The following FGF6 variants were observed in gnomAD, a reference collection of about 807,000 sequenced individuals.
The protein encoded by FGF6 is fibroblast growth factor 6, also known as FGF-6.
Under a neutral mutation model 18.4 loss-of-function variants are expected in FGF6, and 14 were observed. The ratio of observed to expected loss-of-function variants is 0.76; its 90% CI spans 0.50 to 1.19. The LOEUF (loss-of-function observed/expected upper bound fraction) is 1.19. Ranked by LOEUF, FGF6 falls within the 50% of genes most tolerant of loss-of-function variation. The pLI is 0.00. For synonymous variants in FGF6, 125 were observed against 116.7 expected (o/e 1.07, Z -0.46); for missense variants, 266 against 271.6 (o/e 0.98, Z 0.15).
At chr12:4,439,655 CA>C (rs1865666409) in intron 2 of FGF6, among the ~76,000 whole-genome samples, 1 of 151,846 alleles carries the variant, frequency 6.6e-6, no homozygotes, top group Admixed American at 6.6e-5. Context: ...CCTCAACATA[CA>C]CACTTTTTTT....
chr12:4,434,871 G>A (rs115017954), intron 2 of FGF6, among the ~76,000 whole-genome samples: 42 of 152,284 alleles, frequency 2.8e-4, no homozygotes, highest in African/African-American at 9.6e-4. Context: ...CTAATTGTGT[G>A]ACCTTGGGCA....
chr12:4,437,179 T>C (rs973165615), intron 2 of FGF6, among the ~76,000 whole-genome samples: 20 of 152,206 alleles, frequency 1.3e-4, no homozygotes, highest in African/African-American at 4.3e-4. Flanking sequence ...GCATGGAAAG[T>C]CCTGGGAACA....
intron 2 of FGF6, among the ~76,000 whole-genome samples, chr12:4,439,386 G>A (rs1040086980): frequency 4.6e-5 from 7 of 152,170 alleles, no homozygotes; most frequent in Non-Finnish European, 8.8e-5. Flanking sequence ...GGTTTCGTGT[G>A]TTGTTTGCAA....
chr12:4,445,549 A>T lies in FGF6; in HGVS notation c.22T>A (p.Phe8Ile). 1 of 1,601,068 alleles carries T rather than the reference A, an allele frequency of 6.2e-7. No homozygotes were observed. The highest frequency in any genetic ancestry group is 8.5e-7 in the Non-Finnish European group (1 of 1,173,178). The change falls in exon 1 of 3, where the codon TTC (phenylalanine) becomes ATC (isoleucine). Residue 8 changes from phenylalanine to isoleucine, a missense_variant. Transcript: ENST00000228837. This position sits in a 1 kb window ranked among gnomAD's most constrained non-coding sequence, Gnocchi z 5.5. The part of the protein sequence containing the change: MALGQKL[F>I]ITMSRGAGRL... Reference sequence around the variant, plus strand: ...CCTGCTCCCCGGGACATAGTGATGAACAGTTTCTGTCCCAGGGCCATCCAC... The same window carrying T: ...CCTGCTCCCCGGGACATAGTGATGATCAGTTTCTGTCCCAGGGCCATCCAC...
chr12:4,445,272 A>G lies in FGF6; in HGVS notation c.299T>C (p.Val100Ala). The G allele has an allele frequency of 6.2e-7, 1 of 1,613,984 alleles. No individual in the cohort carries two copies. The highest frequency in any genetic ancestry group is 8.5e-7 in the Non-Finnish European group (1 of 1,180,028). The stretch of plus-strand genomic sequence containing the variant: ...CCCGCTGATCCGGCCGTCGGGGAGC[A>G]CCTGGAGGTGAAAGCCGATGCCCAC... ...CNVGIGFHLQ[V>A]LPDGRISGTH... The change falls in exon 1 of 3, where the codon GTG (valine) becomes GCG (alanine). Residue 100 changes from valine to alanine, a missense_variant. Coordinates refer to ENST00000228837, the MANE Select transcript of FGF6 (RefSeq NM_020996.3). The surrounding 1 kb of genome is among the most constrained non-coding windows in gnomAD (Gnocchi z 5.5).
At chr12:4,443,966 T>G (rs929239729) in intron 2 of FGF6, among the ~76,000 whole-genome samples, 167 bp downstream of exon 2, 5 of 152,196 alleles carry the variant, frequency 3.3e-5, no homozygotes, top group African/African-American at 1.2e-4. Flanking sequence ...CCCGTGAGGC[T>G]GAAGAAGCAC....
At position 4,434,206 on chromosome 12, in the gene FGF6, T is replaced by A; in HGVS notation, c.*9A>T. The A allele has an allele frequency of 6.2e-7, 1 of 1,613,480 alleles. No individual in the cohort carries two copies. The highest frequency in any genetic ancestry group is 8.5e-7 in the Non-Finnish European group (1 of 1,179,824). On this transcript the variant is annotated 3_prime_UTR_variant, in exon 3 of 3. Transcript: ENST00000228837. Reference sequence around the variant, plus strand: ...TGCTTTAAATCTGTGAGCCTTCTTTTGTGGGTCCTTAGATCCTGGGAAGGA... The same window carrying A: ...TGCTTTAAATCTGTGAGCCTTCTTTAGTGGGTCCTTAGATCCTGGGAAGGA...
intron 2 of FGF6, among the ~76,000 whole-genome samples, chr12:4,437,901 C>T (rs1030259169): frequency 2.0e-5 from 3 of 150,670 alleles, no homozygotes; most frequent in Non-Finnish European, 4.4e-5. Flanking sequence ...GAATCAGGAA[C>T]ATCTTTCTAA....
In FGF6 at chr12:4,445,453, C is replaced by A. The variant is rs770662346; in HGVS notation, c.118G>T (p.Ala40Ser). The change falls in exon 1 of 3, where the codon GCA (alanine) becomes TCA (serine). Residue 40 changes from alanine to serine, a missense_variant. By Grantham distance (99) the Ala-to-Ser change is moderately conservative. Coordinates refer to ENST00000228837, the MANE Select transcript of FGF6 (RefSeq NM_020996.3). This position sits in a 1 kb window ranked among gnomAD's most constrained non-coding sequence, Gnocchi z 5.5. Reference protein sequence around the residue: ...ILVGMVVPSPAGTRANNTLLD... With the variant: ...ILVGMVVPSPSGTRANNTLLD... Reference sequence around the variant, plus strand: ...AGCGTGTTGTTGGCACGGGTGCCTGCAGGCGAGGGCACCACCATGCCCACT... The same window carrying A: ...AGCGTGTTGTTGGCACGGGTGCCTGAAGGCGAGGGCACCACCATGCCCACT... 1.2e-6 allele frequency: 2 copies of A among 1,613,248 alleles called. No homozygotes were observed. Among genetic ancestry groups the A allele is most frequent in the Non-Finnish European group, 1.7e-6 (2 of 1,180,012 alleles).
intron 2 of FGF6, among the ~76,000 whole-genome samples, chr12:4,442,759 G>A (rs139725157): frequency 7.4e-4 from 112 of 152,252 alleles, no homozygotes; most frequent in African/African-American, 2.6e-3. Flanking sequence ...CCCAGAGAGC[G>A]GTAACAAGGA....
At chr12:4,439,095 A>G (rs1865657712) in intron 2 of FGF6, among the ~76,000 whole-genome samples, 1 of 152,224 alleles carries the variant, frequency 6.6e-6, no homozygotes, top group African/African-American at 2.4e-5. Flanking sequence ...TTTCCATAGA[A>G]TATTCTTTGA....
In FGF6 at chr12:4,445,016, C is replaced by G. The variant is rs957030515; in HGVS notation, c.346+209G>C. Among the ~76,000 whole-genome samples the G allele has an allele frequency of 2.0e-5, 3 of 152,186 alleles. No individual in the cohort carries two copies. The highest frequency in any genetic ancestry group is 7.2e-5 in the African/African-American group (3 of 41,444). ...TAGTTAGTGCCACTGAGGATCTAAC[C>G]AAGGCGATGGCAAAGAACACCAGGA... On this transcript the variant is annotated intron_variant, in intron 1 of 2. Transcript: ENST00000228837. The surrounding 1 kb of genome is among the most constrained non-coding windows in gnomAD (Gnocchi z 5.5).
At chr12:4,440,211 G>T (rs914019338) in intron 2 of FGF6, among the ~76,000 whole-genome samples, 1 of 152,226 alleles carries the variant, frequency 6.6e-6, no homozygotes, top group Non-Finnish European at 1.5e-5. Context: ...TCAATTTGAT[G>T]TAGGTCTATT....
At chr12:4,442,344 C>A (rs1356170858) in intron 2 of FGF6, among the ~76,000 whole-genome samples, 3 of 152,306 alleles carry the variant, frequency 2.0e-5, no homozygotes, top group East Asian at 1.9e-4. Flanking sequence ...ATATTCCCTT[C>A]CCGAGCCTTT....
intron 2 of FGF6, among the ~76,000 whole-genome samples, chr12:4,436,666 C>T (rs1865632131): frequency 6.6e-6 from 1 of 151,938 alleles, no homozygotes; most frequent in Admixed American, 6.6e-5. Flanking sequence ...ATAAGGAGAC[C>T]CCTGCATGGG....
In FGF6 at chr12:4,444,204, C is replaced by T. The variant is rs375876276; in HGVS notation, c.379G>A (p.Val127Met). 195 of 1,613,854 alleles carry T rather than the reference C, an allele frequency of 1.2e-4. 5 individuals carry two copies. In the Admixed American group the frequency reaches 1.9e-3, roughly 15 times the overall value. ...LLEISTVERGVVSLFGVRSAL... is the reference protein window; with the variant it reads ...LLEISTVERGMVSLFGVRSAL... Reference sequence around the variant, plus strand: ...CTTCTCACTCCAAAGAGACTCACCACGCCTCGCTCCACAGTGGAAATTTCC... The same window carrying T: ...CTTCTCACTCCAAAGAGACTCACCATGCCTCGCTCCACAGTGGAAATTTCC... Residue 127 changes from valine (V) to methionine (M), a missense_variant, in exon 2 of 3, where the codon GTG becomes ATG. Transcript: ENST00000228837.
intron 2 of FGF6, among the ~76,000 whole-genome samples, chr12:4,443,514 G>C (rs1865716608): frequency 6.6e-6 from 1 of 152,168 alleles, no homozygotes; most frequent in Non-Finnish European, 1.5e-5. Flanking sequence ...ATTAACCCAA[G>C]TGCCAGCATT....
At chr12:4,439,584 A>G (rs1231154834) in intron 2 of FGF6, among the ~76,000 whole-genome samples, 1 of 152,058 alleles carries the variant, frequency 6.6e-6, no homozygotes, top group African/African-American at 2.4e-5. Context: ...ATGACCATGG[A>G]TGCGTAGATT....
chr12:4,438,665 G>C (rs1865651440), intron 2 of FGF6, among the ~76,000 whole-genome samples: 1 of 146,650 alleles, frequency 6.8e-6, no homozygotes, highest in Non-Finnish European at 1.5e-5. Context: ...GGAGGCTAAG[G>C]CAGGGGAATC....
Sources: gnomAD v4.1 joint callset for allele counts (sites outside exome capture counted in the v4.1 genomes callset) on GRCh38, gnomAD v4.1.1 for gene constraint, Gnocchi (gnomAD v3.1) non-coding constraint, MANE v1.5 for transcripts, NCBI Gene and HGNC (gene_info 2026-07-23, HGNC 2026-07-21) for gene names.